CDCP2: variants seen among roughly 807,000 people sequenced by gnomAD.
CDCP2 encodes CUB domain-containing protein 2.
A neutral mutation model predicts 31.0 loss-of-function variants in CDCP2; 31 were observed. The observed-to-expected ratio is 1.00, with a 90% CI of 0.75 to 1.35. The LOEUF (loss-of-function observed/expected upper bound fraction) is 1.35, where lower values mean the gene tolerates loss of function less well. CDCP2 is among the 40% of genes most tolerant of loss of function. The pLI is 0.00. For missense variants in CDCP2, 443 were observed against 482.6 expected (o/e 0.92, Z 0.77); for synonymous variants, 206 against 207.9 (o/e 0.99, Z 0.08).
chr1:54,134,747 G>T (rs112547277), intron 5 of CDCP2, among the ~76,000 whole-genome samples: 607 of 9,384 alleles, frequency 0.065, 4 homozygotes, highest in South Asian at 0.14. Flanking sequence ...GTTTTGTTTT[G>T]TTTTTTGAGA....
chr1:54,141,129 T>C (rs1422582958), exon 3 of CDCP2: 68 of 1,541,166 alleles, frequency 4.4e-5, no homozygotes, highest in Non-Finnish European at 5.9e-5. Flanking sequence ...AGCCACGGCC[T>C]CCGATGTTGA....
At chr1:54,141,185 G>C (rs1287096045) in exon 3 of CDCP2, 3 of 1,594,108 alleles carry the variant, frequency 1.9e-6, no homozygotes, top group South Asian at 2.3e-5. Context: ...AGAGACACGA[G>C]GGTGGGGGGC....
exon 4 of CDCP2, chr1:54,139,880 G>C (rs1338793501): frequency 6.2e-7 from 1 of 1,614,136 alleles, no homozygotes; most frequent in Middle Eastern, 1.6e-4. Context: ...TCCCCAGCAG[G>C]GGTGCCTCCT....
At chr1:54,145,351 G>A (rs570733680) in intron 1 of CDCP2, among the ~76,000 whole-genome samples, 17 of 152,262 alleles carry the variant, frequency 1.1e-4, no homozygotes, top group African/African-American at 3.1e-4. Context: ...GCTTGCACCC[G>A]GGAGGCGGAG....
rs1553174438 is a variant in CDCP2 at position 54,148,974 on chromosome 1, AAT to A, written c.79+3868_79+3869del. Reference sequence around the variant, plus strand: ...GAACAAATGAATTGTTTAAAAAAAAAATATATATATATATAATATATAATATA... The same window carrying A: ...GAACAAATGAATTGTTTAAAAAAAAAATATATATATATAATATATAATATA... On this transcript the variant is annotated intron_variant, in intron 1 of 5. Transcript: ENST00000530059. Among the ~76,000 whole-genome samples the A allele has an allele frequency of 6.8e-4, 99 of 146,284 alleles. 1 individual carries two copies. The highest frequency in any genetic ancestry group is 2.0e-3 in the African/African-American group (80 of 39,796).
intron 1 of CDCP2, 56 bp from the exon 2 acceptor site, chr1:54,144,869 G>A: frequency 7.2e-7 from 1 of 1,396,186 alleles, no homozygotes; most frequent in Admixed American, 2.2e-5. Context: ...GGGTACATGT[G>A]GTAAGGGCAG....
At chr1:54,144,479 C>T (rs1456113695) in exon 2 of CDCP2, 5 of 1,575,112 alleles carry the variant, frequency 3.2e-6, no homozygotes, top group South Asian at 2.4e-5. Context: ...TCTGGTAGCC[C>T]GCAGAAAAGC....
intron 4 of CDCP2, chr1:54,139,527 C>G: frequency 6.2e-7 from 1 of 1,612,960 alleles, no homozygotes; most frequent in Non-Finnish European, 8.5e-7. Context: ...AAGTTAGAAG[C>G]TGGGGAAGGA....
At chr1:54,152,153 G>A (rs770453504) in intron 1 of CDCP2, among the ~76,000 whole-genome samples, 2 of 152,040 alleles carry the variant, frequency 1.3e-5, no homozygotes, top group Non-Finnish European at 2.9e-5. Flanking sequence ...GCAGGGTCTC[G>A]GGAGGAGAAT....
intron 5 of CDCP2, among the ~76,000 whole-genome samples, 160 bp downstream of exon 5, chr1:54,136,470 G>A (rs912275491): frequency 2.0e-5 from 3 of 152,234 alleles, no homozygotes; most frequent in Non-Finnish European, 4.4e-5. Flanking sequence ...TTTACCCTAA[G>A]CAAATTGGTT....
intron 5 of CDCP2, among the ~76,000 whole-genome samples, chr1:54,133,922 C>CAAAAAAAAAAAAAAACAAAAAAAAA (rs58882302): frequency 3.4e-5 from 5 of 148,568 alleles, no homozygotes; most frequent in Admixed American, 6.7e-5. Context: ...ACAAAAAAAA[C>CAAAAAAAAAAAAAAACAAAAAAAAA]CCCATGTTAC....
chr1:54,135,656 T>C (rs1457946447), intron 5 of CDCP2, among the ~76,000 whole-genome samples: 2 of 152,154 alleles, frequency 1.3e-5, no homozygotes, highest in African/African-American at 4.8e-5. Context: ...ACAAAAGCTC[T>C]GGGAGACTTA....
At chr1:54,136,280 C>T (rs1659257506) in intron 5 of CDCP2, among the ~76,000 whole-genome samples, 1 of 152,158 alleles carries the variant, frequency 6.6e-6, no homozygotes, top group African/African-American at 2.4e-5. Flanking sequence ...AGAATAACTG[C>T]TGGCAGCTCA....
intron 4 of CDCP2, 41 bp from the exon 5 acceptor site, chr1:54,136,849 C>T (rs558491224): frequency 3.3e-5 from 13 of 399,076 alleles, no homozygotes; most frequent in Middle Eastern, 6.3e-4. Flanking sequence ...TAGGGTCAGG[C>T]GGTCTGACCC....
chr1:54,139,985 G>A, exon 4 of CDCP2: 1 of 1,614,106 alleles, frequency 6.2e-7, no homozygotes, highest in Non-Finnish European at 8.5e-7. Flanking sequence ...AGAACACCTT[G>A]ACCTGGTAGC....
intron 3 of CDCP2, 34 bp from the exon 4 acceptor site, chr1:54,140,140 AG>A (rs1328760728): frequency 6.3e-7 from 1 of 1,594,274 alleles, no homozygotes; most frequent in African/African-American, 1.3e-5. Flanking sequence ...AAGGAGCAAC[AG>A]TGAGGGGAGA....
chr1:54,149,936 CTTG>C lies in CDCP2; in HGVS notation c.79+2905_79+2907del, dbSNP rs532441289. Among the ~76,000 whole-genome samples the C allele has an allele frequency of 1.2e-4, 18 of 152,394 alleles. No homozygotes were observed. The South Asian group carries it at 2.7e-3, about 23-fold the overall frequency. ...AACTGAGCCCGGGAAAGGGAAGTCACTTGTTGTAGTGAACATCTATTGCTTTGG... is the reference window on the plus strand; with the variant it reads ...AACTGAGCCCGGGAAAGGGAAGTCACTTGTAGTGAACATCTATTGCTTTGG... On this transcript the variant is annotated intron_variant, in intron 1 of 5. Transcript: ENST00000530059.
At chr1:54,140,269 A>G in intron 3 of CDCP2, 163 bp from the exon 4 acceptor site, 1 of 634,404 alleles carries the variant, frequency 1.6e-6, no homozygotes, top group South Asian at 1.9e-5. Flanking sequence ...CAACTATCTG[A>G]AAGTTGGGAT....
At chr1:54,149,737 T>C (rs1346180487) in intron 1 of CDCP2, among the ~76,000 whole-genome samples, 2 of 152,212 alleles carry the variant, frequency 1.3e-5, no homozygotes, top group African/African-American at 4.8e-5. Context: ...AGAGCAAGGA[T>C]TTCTGTGCCT....
Sources: allele counts gnomAD v4.1 joint callset (sites outside exome capture counted in the v4.1 genomes callset), GRCh38; gene constraint gnomAD v4.1.1; transcripts MANE v1.5; gene names NCBI Gene and HGNC (gene_info 2026-07-23, HGNC 2026-07-21).